CATSPERE: variants seen among roughly 807,000 people sequenced by gnomAD.
The protein encoded by CATSPERE is catsper channel auxiliary subunit epsilon, also known as cation channel sperm-associated auxiliary subunit epsilon.
A neutral mutation model predicts 114.1 loss-of-function variants in CATSPERE; 93 were observed. The observed-to-expected ratio is 0.81, with a 90% CI of 0.69 to 0.97. The LOEUF (loss-of-function observed/expected upper bound fraction) is 0.97, where lower values mean the gene tolerates loss of function less well. CATSPERE is among the 50% of genes least tolerant of loss of function. The probability of loss-of-function intolerance (pLI) is 0.00; values close to 1 mark genes in which losing one functional copy is unlikely to be tolerated. For missense variants in CATSPERE, 1,058 were observed against 1,131.6 expected (o/e 0.93, Z 0.93); for synonymous variants, 341 against 384.1 (o/e 0.89, Z 1.31).
intron 7 of CATSPERE, among the ~76,000 whole-genome samples, chr1:244,502,671 G>C (rs1342818444): frequency 6.6e-6 from 1 of 152,164 alleles, no homozygotes; most frequent in Non-Finnish European, 1.5e-5. Flanking sequence ...CTCCCCAGAA[G>C]TGTGCTTGTA....
chr1:244,626,105 C>T (rs1476690896), intron 20 of CATSPERE, among the ~76,000 whole-genome samples: 2 of 152,110 alleles, frequency 1.3e-5, no homozygotes, highest in African/African-American at 4.8e-5. Flanking sequence ...AACTTAAAAT[C>T]GTCAGCTACA....
chr1:244,605,842 T>C (rs770510085), intron 18 of CATSPERE, 48 bp downstream of exon 18: 2 of 1,262,780 alleles, frequency 1.6e-6, no homozygotes, highest in African/African-American at 3.0e-5. Context: ...AACTAGACAA[T>C]GTCTTCCTGT....
chr1:244,535,040 A>G (rs1034105392), intron 8 of CATSPERE, among the ~76,000 whole-genome samples: 2 of 152,102 alleles, frequency 1.3e-5, no homozygotes, highest in African/African-American at 2.4e-5. Flanking sequence ...CTTGGAAAAA[A>G]TCTGGAAAAA....
At position 244,640,193 on chromosome 1, in the gene CATSPERE, T is replaced by A; in HGVS notation, c.*112T>A. ...AGAAATACTAAATATAAGCTCGTAG[T>A]AGGCATCACCAAATTCAAGATCTGA... On this transcript the variant is annotated 3_prime_UTR_variant, in exon 22 of 22. Transcript: ENST00000366534. 1 of 780,032 alleles carries A rather than the reference T, an allele frequency of 1.3e-6. No homozygotes were observed. The highest frequency in any genetic ancestry group is 2.0e-6 in the Non-Finnish European group (1 of 507,994). 48.3% of individuals were successfully genotyped at this position (780,032 alleles called of 1,614,324 possible).
At chr1:244,572,823 A>G (rs1196932492) in intron 11 of CATSPERE, 51 bp downstream of exon 11, 2 of 1,209,474 alleles carry the variant, frequency 1.7e-6, no homozygotes, top group Admixed American at 5.6e-5. Flanking sequence ...GTATAAAAGT[A>G]TAATATTAAC....
At chr1:244,576,723 G>A (rs1193177172) in intron 11 of CATSPERE, among the ~76,000 whole-genome samples, 2 of 151,998 alleles carry the variant, frequency 1.3e-5, no homozygotes, top group Admixed American at 6.5e-5. Flanking sequence ...TAACTCAAAT[G>A]GCAGTTTCTG....
intron 15 of CATSPERE, among the ~76,000 whole-genome samples, chr1:244,592,036 A>C (rs964537260): frequency 7.9e-5 from 12 of 152,080 alleles, no homozygotes; most frequent in African/African-American, 2.9e-4. Context: ...TTTTTTCCTT[A>C]CATAATTTTT....
chr1:244,503,907 G>A (rs1448592583), intron 7 of CATSPERE, among the ~76,000 whole-genome samples: 1 of 152,128 alleles, frequency 6.6e-6, no homozygotes, highest in Non-Finnish European at 1.5e-5. Context: ...CACTCACTGA[G>A]TTACTCATAT....
intron 7 of CATSPERE, among the ~76,000 whole-genome samples, chr1:244,511,616 T>C (rs1675771735): frequency 6.6e-6 from 1 of 152,194 alleles, no homozygotes; most frequent in African/African-American, 2.4e-5. Flanking sequence ...CTCCTTTCTC[T>C]TTCTTCTTTG....
At chr1:244,619,963 T>TCA (rs1671885991) in intron 20 of CATSPERE, among the ~76,000 whole-genome samples, 1 of 152,180 alleles carries the variant, frequency 6.6e-6, no homozygotes, top group Non-Finnish European at 1.5e-5. Context: ...TCTCAGAATC[T>TCA]GATAGATCAA....
At chr1:244,494,061 A>G (rs1291466767) in intron 6 of CATSPERE, among the ~76,000 whole-genome samples, 5 of 152,188 alleles carry the variant, frequency 3.3e-5, no homozygotes, top group Admixed American at 2.6e-4. Flanking sequence ...TCAGGGATCT[A>G]GAACTAGAAA....
intron 8 of CATSPERE, among the ~76,000 whole-genome samples, chr1:244,543,505 A>C (rs1659208052): frequency 6.6e-6 from 1 of 151,880 alleles, no homozygotes; most frequent in African/African-American, 2.4e-5. Context: ...GAAAAGGAGG[A>C]AGTATTAATC....
At chr1:244,519,627 T>A (rs1182409783) in intron 8 of CATSPERE, among the ~76,000 whole-genome samples, 1 of 152,128 alleles carries the variant, frequency 6.6e-6, no homozygotes, top group Non-Finnish European at 1.5e-5. Context: ...TGCCCTACAA[T>A]GGGATGGCGT....
chr1:244,459,940 G>A (rs771880360), upstream of CATSPERE, among the ~76,000 whole-genome samples: 25 of 152,148 alleles, frequency 1.6e-4, no homozygotes, highest in Non-Finnish European at 3.4e-4. Context: ...TACCTCCCCT[G>A]TCAGCAGGAA....
chr1:244,576,612 G>T (rs934055568), intron 11 of CATSPERE, among the ~76,000 whole-genome samples: 4 of 151,884 alleles, frequency 2.6e-5, no homozygotes, highest in Middle Eastern at 3.4e-3. Context: ...ATAACAATAG[G>T]TATAAATATA....
intron 20 of CATSPERE, among the ~76,000 whole-genome samples, chr1:244,622,373 C>A (rs977861362): frequency 6.6e-6 from 1 of 150,874 alleles, no homozygotes; most frequent in Non-Finnish European, 1.5e-5. Flanking sequence ...TATTTCCTAG[C>A]AGAATAACCT....
intron 6 of CATSPERE, among the ~76,000 whole-genome samples, chr1:244,492,601 T>G (rs1279426080): frequency 6.6e-6 from 1 of 151,684 alleles, no homozygotes; most frequent in Non-Finnish European, 1.5e-5. Flanking sequence ...CCAGGGCAAT[T>G]AGGCAGGAGA....
intron 20 of CATSPERE, among the ~76,000 whole-genome samples, chr1:244,621,426 A>G (rs945302380): frequency 2.0e-5 from 3 of 148,904 alleles, no homozygotes; most frequent in African/African-American, 7.4e-5. Context: ...CAAAAAGAAT[A>G]ATAATCTAGC....
At chr1:244,509,269 T>G (rs987511274) in intron 7 of CATSPERE, among the ~76,000 whole-genome samples, 1 of 134,634 alleles carries the variant, frequency 7.4e-6, no homozygotes, top group Non-Finnish European at 1.5e-5. Context: ...TTTGTCGAGT[T>G]TTTTTTTTTA....
Sources: allele counts gnomAD v4.1 joint callset (sites outside exome capture counted in the v4.1 genomes callset), GRCh38; gene constraint gnomAD v4.1.1; transcripts MANE v1.5; gene names NCBI Gene and HGNC (gene_info 2026-07-23, HGNC 2026-07-21).